Variants in FGF14 observed in about 807,000 individuals in gnomAD.
The protein encoded by FGF14 is fibroblast growth factor homologous factor 4.
A neutral mutation model predicts 25.5 loss-of-function variants in FGF14; 5 were observed. The observed-to-expected ratio is 0.20, with a 90% confidence interval of 0.10 to 0.41. The LOEUF is 0.41. FGF14 is among the 10% of genes least tolerant of loss of function. The probability of loss-of-function intolerance (pLI) is 1.00; values close to 1 mark genes in which losing one functional copy is unlikely to be tolerated. For synonymous variants in FGF14, 138 were observed against 118.3 expected, an observed-to-expected ratio of 1.17 and a Z score of -1.08; for missense variants, 222 against 320.1, an observed-to-expected ratio of 0.69 and a Z score of 2.34.
chr13:102,102,598 C>T (rs1230319970), intron 1 of FGF14, among the ~76,000 whole-genome samples: 4 of 152,160 alleles, frequency 2.6e-5, no homozygotes, highest in Non-Finnish European at 5.9e-5. Context: ...CTCCATGGTG[C>T]CCTGCCCTGC....
chr13:101,916,588 G>A lies in FGF14; in HGVS notation c.58C>T (p.His20Tyr), dbSNP rs1292135927. ...IRQKRQAREQ[H>Y]WDRPSASRRR... is the part of the protein sequence containing the mutation. The stretch of plus-strand genomic sequence containing the variant: ...CTGCTGGCAGACGGCCGGTCCCAGT[G>A]CTGCTCCCGCGCCTGCCGCTTCTGG... The change falls in exon 1 of 5, where the codon CAC becomes TAC. Residue 20 changes from histidine (H) to tyrosine (Y), a missense_variant. Physicochemically the swap from His to Tyr is moderately conservative, Grantham distance 83. Around this residue, in one of 5 missense-constraint regions of FGF14, gnomAD observed 80 missense variants for 72.2 expected, o/e 1.11. Coordinates refer to ENST00000376143, the MANE Select transcript of FGF14 (RefSeq NM_004115.4). 2.5e-6 allele frequency: 4 copies of A among 1,597,882 alleles called. No individual in the cohort carries two copies. In the South Asian group the frequency reaches 3.3e-5, roughly 13 times the overall value.
chr13:101,967,856 T>A (rs2037314994), intron 1 of FGF14: 1 of 152,916 alleles, frequency 6.5e-6, no homozygotes, highest in South Asian at 2.1e-4. Context: ...TGCTGCCTAA[T>A]CAGAAGGAAG....
Position 102,068,679 on chromosome 13 carries a change from G to A in FGF14, c.209-193383C>T, listed in dbSNP as rs192075702. Reference sequence around the variant, plus strand: ...GTGCCAGCCCACCGGCGCTGTGCTCGATTTCTCGCCGGGCCTTAGCTGCCT... The same window carrying A: ...GTGCCAGCCCACCGGCGCTGTGCTCAATTTCTCGCCGGGCCTTAGCTGCCT... On this transcript the variant is annotated intron_variant, in intron 1 of 4. Coordinates refer to the FGF14 transcript ENST00000376131. 5.2e-3 allele frequency among the ~76,000 whole-genome samples: 793 copies of A among 152,328 alleles called. 6 individuals are homozygous for A. The highest frequency in any genetic ancestry group is 0.018 in the South Asian group (85 of 4,822).
intron 1 of FGF14, among the ~76,000 whole-genome samples, chr13:102,104,110 C>T (rs1413311160): frequency 6.6e-6 from 1 of 152,206 alleles, no homozygotes; most frequent in African/African-American, 2.4e-5. Context: ...ACCCCGAGGA[C>T]TAAGGATCCT....
intron 1 of FGF14, among the ~76,000 whole-genome samples, chr13:102,267,429 T>C (rs1253974646): frequency 1.3e-5 from 2 of 152,162 alleles, no homozygotes; most frequent in Admixed American, 6.6e-5. Flanking sequence ...ACATGACTCA[T>C]ACATTGTATA....
intron 1 of FGF14, among the ~76,000 whole-genome samples, chr13:101,914,943 C>G (rs928867236): frequency 3.0e-4 from 46 of 152,096 alleles, no homozygotes; most frequent in African/African-American, 1.0e-3. Flanking sequence ...TTAAGGCAGT[C>G]GAGTTGGTCT....
chr13:101,741,024 A>T (rs1357422976), intron 3 of FGF14, among the ~76,000 whole-genome samples: 2 of 152,220 alleles, frequency 1.3e-5, no homozygotes, highest in Admixed American at 6.5e-5. Flanking sequence ...CCACATCACC[A>T]CTGAAACATA....
At chr13:101,995,727 G>A (rs1275640643) in intron 1 of FGF14, among the ~76,000 whole-genome samples, 1 of 152,098 alleles carries the variant, frequency 6.6e-6, no homozygotes, top group Non-Finnish European at 1.5e-5. Flanking sequence ...CTCAAATCAG[G>A]GAATTCTGCC....
At chr13:102,230,804 GA>G (rs554880122) in intron 1 of FGF14, among the ~76,000 whole-genome samples, 4 of 151,994 alleles carry the variant, frequency 2.6e-5, no homozygotes, top group South Asian at 2.1e-4. Context: ...AAGAGCATTG[GA>G]AAAAAATGCA....
In FGF14 at chr13:101,885,440, G is replaced by C. The variant is rs555051577; in HGVS notation, c.194-10144C>G. Among the ~76,000 whole-genome samples, 96 of 152,144 alleles carry C rather than the reference G, an allele frequency of 6.3e-4. No individual in the cohort carries two copies. In the South Asian group the frequency reaches 8.5e-3, roughly 13 times the overall value. Reference sequence around the variant, plus strand: ...CCGACTCTCCCAAATGTACATTTAAGTCCTTCACTTTAATTGGATTTATGG... The same window carrying C: ...CCGACTCTCCCAAATGTACATTTAACTCCTTCACTTTAATTGGATTTATGG... On this transcript the variant is annotated intron_variant, in intron 1 of 4. Transcript: ENST00000376143.
intron 1 of FGF14, among the ~76,000 whole-genome samples, chr13:102,290,522 G>T (rs1317807721): frequency 5.3e-5 from 8 of 152,164 alleles, no homozygotes; most frequent in Non-Finnish European, 1.2e-4. Flanking sequence ...CAGCCTGAGT[G>T]CAACAGTTAA....
intron 1 of FGF14, among the ~76,000 whole-genome samples, chr13:102,195,488 C>A (rs1381764556): frequency 6.6e-6 from 1 of 151,308 alleles, no homozygotes; most frequent in Non-Finnish European, 1.5e-5. Flanking sequence ...TGTAAAAATA[C>A]AATTAAAGAA....
At chr13:101,933,509 A>G (rs1371513602) in intron 1 of FGF14, among the ~76,000 whole-genome samples, 2 of 152,188 alleles carry the variant, frequency 1.3e-5, no homozygotes, top group African/African-American at 2.4e-5. Flanking sequence ...GGATCACTTT[A>G]GGTCAGGAAT....
intron 3 of FGF14, among the ~76,000 whole-genome samples, chr13:101,814,798 G>A (rs2041755099): frequency 6.6e-6 from 1 of 152,176 alleles, no homozygotes; most frequent in Non-Finnish European, 1.5e-5. Flanking sequence ...TTCATCAAGT[G>A]ATGGCTATTT....
intron 1 of FGF14, among the ~76,000 whole-genome samples, chr13:102,050,302 C>A (rs192896721): frequency 6.6e-6 from 1 of 152,064 alleles, no homozygotes; most frequent in Non-Finnish European, 1.5e-5. Flanking sequence ...ATACATAAAA[C>A]CACCTTGGGG....
chr13:101,958,082 C>A (rs1350686793), intron 1 of FGF14, among the ~76,000 whole-genome samples: 1 of 152,270 alleles, frequency 6.6e-6, no homozygotes, highest in South Asian at 2.1e-4. Context: ...CATCTGTAAA[C>A]AACTTTCACC....
Position 101,721,138 on chromosome 13 carries a change from T to C in FGF14, c.*1693A>G, listed in dbSNP as rs2034947718. 6.6e-6 allele frequency: 1 copy of C among 152,056 alleles called. No homozygotes were observed. The highest frequency in any genetic ancestry group is 2.1e-4 in the South Asian group (1 of 4,820). The allele number at this position is 152,056 out of a possible 1,614,324, so 9.4% of individuals were successfully genotyped here. On this transcript the variant is annotated 3_prime_UTR_variant, in exon 5 of 5. Transcript: ENST00000376143. ...CACATATAATTTTCAATAAATGAGG[T>C]TCAGTTTGGTCTCAATGAACTCTTC...
At chr13:101,937,431 C>A (rs1177958913) in intron 1 of FGF14, among the ~76,000 whole-genome samples, 1 of 152,026 alleles carries the variant, frequency 6.6e-6, no homozygotes, top group South Asian at 2.1e-4. Context: ...CACAGAGATC[C>A]CAGGGTTGTG....
chr13:102,031,301 T>C (rs1331539471), intron 1 of FGF14, among the ~76,000 whole-genome samples: 2 of 152,062 alleles, frequency 1.3e-5, no homozygotes, highest in South Asian at 2.1e-4. Context: ...TATAATGAGG[T>C]GAATGTAGTT....
Sources: allele counts gnomAD v4.1 joint callset (sites outside exome capture counted in the v4.1 genomes callset), GRCh38; gene constraint gnomAD v4.1.1; regional missense constraint gnomAD v4.1.1; transcripts MANE v1.5; gene names NCBI Gene and HGNC (gene_info 2026-07-23, HGNC 2026-07-21).